Variants in FMN1 observed in about 807,000 individuals in gnomAD.
FMN1 encodes the protein formin 1, also known as formin-1.
In FMN1, 110 loss-of-function variants were observed where a neutral mutation model predicts 132.4. The observed-to-expected ratio is 0.83, with a 90% CI of 0.71 to 0.97. The LOEUF is 0.97. Ranked by LOEUF, FMN1 falls within the 50% of genes least tolerant of loss-of-function variation. The probability of loss-of-function intolerance (pLI) is 0.00; values close to 1 mark genes in which losing one functional copy is unlikely to be tolerated. For missense variants in FMN1, 1,792 were observed against 1,705.3 expected, an observed-to-expected ratio of 1.05 and a Z score of -0.90; for synonymous variants, 722 against 651.7, an observed-to-expected ratio of 1.11 and a Z score of -1.64.
intron 4 of FMN1, among the ~76,000 whole-genome samples, chr15:33,144,856 T>C (rs1423046722): frequency 6.6e-6 from 1 of 152,138 alleles, no homozygotes; most frequent in Non-Finnish European, 1.5e-5. Context: ...AGGAGTGGGA[T>C]TTTAAAATCC....
chr15:33,012,920 G>A (rs573104700), intron 6 of FMN1: 63 of 529,782 alleles, frequency 1.2e-4, no homozygotes, highest in African/African-American at 5.9e-4. Flanking sequence ...TAAAACCACC[G>A]GTCTTCAAAT....
At position 32,815,821 on chromosome 15, in the gene FMN1, G is replaced by A. The variant is rs1032666299; in HGVS notation, c.3929-11489C>T. Among the ~76,000 whole-genome samples, 10 of 152,148 alleles carry A rather than the reference G, an allele frequency of 6.6e-5. 1 individual carries two copies. The highest frequency in any genetic ancestry group is 1.5e-5 in the Non-Finnish European group (1 of 68,014). On this transcript the variant is annotated intron_variant, in intron 17 of 20. Transcript: ENST00000616417. ...CATTCACTGAATACTCAGTATGCCAGGTGCTATGATACTAAATTCTTAGGT... is the reference window on the plus strand; with the variant it reads ...CATTCACTGAATACTCAGTATGCCAAGTGCTATGATACTAAATTCTTAGGT...
chr15:33,066,457 G>A, intron 5 of FMN1: 1 of 1,384,620 alleles, frequency 7.2e-7, no homozygotes, highest in Non-Finnish European at 9.6e-7. Context: ...AACCTGGAAA[G>A]AAATACAGCA....
At chr15:33,043,008 A>G (rs879933315) in intron 6 of FMN1, among the ~76,000 whole-genome samples, 22 of 152,154 alleles carry the variant, frequency 1.4e-4, no homozygotes, top group Non-Finnish European at 1.9e-4. Context: ...ATATTTAAAT[A>G]CAGACAGTCC....
chr15:32,854,004 T>C (rs1259319767), intron 17 of FMN1, among the ~76,000 whole-genome samples: 2 of 152,196 alleles, frequency 1.3e-5, no homozygotes, highest in Non-Finnish European at 2.9e-5. Flanking sequence ...CTAATACAAT[T>C]TAGATTTTCT....
chr15:32,848,942 C>A (rs1289975421), intron 17 of FMN1, among the ~76,000 whole-genome samples: 4 of 150,534 alleles, frequency 2.7e-5, no homozygotes, highest in Admixed American at 6.6e-5. Flanking sequence ...ATGGTGAGGA[C>A]CAGCTGAATA....
intron 10 of FMN1, among the ~76,000 whole-genome samples, chr15:32,913,819 T>C (rs1425456612): frequency 6.6e-6 from 1 of 152,184 alleles, no homozygotes; most frequent in Non-Finnish European, 1.5e-5. Flanking sequence ...GTGTAGCATG[T>C]ATAACATAGA....
At chr15:32,833,032 T>G (rs1304815598) in intron 17 of FMN1, among the ~76,000 whole-genome samples, 1 of 152,120 alleles carries the variant, frequency 6.6e-6, no homozygotes. Context: ...TTTTCCCACT[T>G]TACAACTCCT....
At chr15:33,126,894 C>G (rs948547437) in intron 4 of FMN1, among the ~76,000 whole-genome samples, 4 of 152,140 alleles carry the variant, frequency 2.6e-5, no homozygotes, top group Admixed American at 6.5e-5. Flanking sequence ...GGCTGTATAA[C>G]TGCAAAGTGG....
At chr15:32,823,862 T>C (rs1223034381) in intron 17 of FMN1, among the ~76,000 whole-genome samples, 3 of 152,242 alleles carry the variant, frequency 2.0e-5, no homozygotes, top group Non-Finnish European at 4.4e-5. Flanking sequence ...AAAAGTATTC[T>C]TCACAGAACA....
intron 3 of FMN1, among the ~76,000 whole-genome samples, chr15:33,179,658 A>G (rs1391363153): frequency 6.6e-6 from 1 of 152,202 alleles, no homozygotes; most frequent in Non-Finnish European, 1.5e-5. Context: ...AACTGTCATG[A>G]AAAGAGTTTT....
intron 5 of FMN1, among the ~76,000 whole-genome samples, chr15:33,078,216 G>C (rs975944967): frequency 6.6e-6 from 1 of 152,174 alleles, no homozygotes. Flanking sequence ...TCATAGAATA[G>C]TTCAAGAATT....
At chr15:33,169,588 C>T (rs1055054937) in intron 3 of FMN1, among the ~76,000 whole-genome samples, 1 of 152,060 alleles carries the variant, frequency 6.6e-6, no homozygotes, top group Non-Finnish European at 1.5e-5. Context: ...ACAGTTCTAA[C>T]ATCAGGAAGA....
chr15:32,972,432 C>A (rs1275668938), intron 7 of FMN1, among the ~76,000 whole-genome samples: 1 of 152,170 alleles, frequency 6.6e-6, no homozygotes, highest in Non-Finnish European at 1.5e-5. Context: ...CACTTTCACC[C>A]AATTACTGGC....
At chr15:33,034,229 CT>C (rs2036084500) in intron 6 of FMN1, among the ~76,000 whole-genome samples, 1 of 152,136 alleles carries the variant, frequency 6.6e-6, no homozygotes, top group Non-Finnish European at 1.5e-5. Context: ...GATGCCTAAT[CT>C]TCCCCCTAAA....
intron 3 of FMN1, among the ~76,000 whole-genome samples, chr15:33,171,767 C>T (rs11633650): frequency 0.53 from 80,141 of 152,010 alleles, 25,986 homozygotes; most frequent in Non-Finnish European, 0.73. Flanking sequence ...CTTGCTCAAT[C>T]TAAGATGTTT....
chr15:32,769,936 G>T lies in FMN1; in HGVS notation c.*4374C>A, dbSNP rs1025152461. On this transcript the variant is annotated 3_prime_UTR_variant, in exon 21 of 21. Coordinates refer to ENST00000616417, the MANE Select transcript of FMN1 (RefSeq NM_001277313.2). ...ATTTTTGTTTTTATTAGGACAGACA[G>T]GATAAAAGAAAAATGAAGCTCAAAT... 19 of 152,074 alleles carry T rather than the reference G, an allele frequency of 1.2e-4. No homozygotes were observed. Among genetic ancestry groups the T allele is most frequent in the Non-Finnish European group, 1.2e-4 (8 of 68,010 alleles). 9.4% of individuals were successfully genotyped at this position (152,074 alleles called of 1,614,324 possible).
At chr15:32,980,307 G>GAA (rs58235101) in intron 7 of FMN1, among the ~76,000 whole-genome samples, 9 of 134,474 alleles carry the variant, frequency 6.7e-5, no homozygotes, top group African/African-American at 1.9e-4. Flanking sequence ...AGGTCAGTTT[G>GAA]AAAAAAAAAA....
At chr15:32,966,810 G>C (rs2031283251) in intron 8 of FMN1, among the ~76,000 whole-genome samples, 1 of 152,212 alleles carries the variant, frequency 6.6e-6, no homozygotes, top group South Asian at 2.1e-4. Context: ...ATTAAAATAT[G>C]ATTTTGCCTC....
Sources: allele counts gnomAD v4.1 joint callset (sites outside exome capture counted in the v4.1 genomes callset), GRCh38; gene constraint gnomAD v4.1.1; transcripts MANE v1.5; gene names NCBI Gene and HGNC (gene_info 2026-07-23, HGNC 2026-07-21).